The following ST8SIA5 variants were observed in gnomAD, a reference collection of about 807,000 sequenced individuals.
The protein encoded by ST8SIA5 is alpha-2,8-sialyltransferase 8E.
In ST8SIA5, 24 loss-of-function variants were observed where a neutral mutation model predicts 40.2. The observed-to-expected ratio is 0.60, with a 90% confidence interval of 0.43 to 0.84. ST8SIA5 has a LOEUF of 0.84. Among genes scored for constraint, ST8SIA5 ranks in the 40% least tolerant of loss-of-function variants. ST8SIA5 has a pLI of 0.00. For synonymous variants in ST8SIA5, 198 were observed against 201.8 expected, an observed-to-expected ratio of 0.98 and a Z score of 0.16; for missense variants, 465 against 498.5, an observed-to-expected ratio of 0.93 and a Z score of 0.64.
In ST8SIA5 at chr18:46,682,070, G is replaced by A; in HGVS notation, c.570-6C>T. The A allele has an allele frequency of 6.3e-7, 1 of 1,595,266 alleles. No individual in the cohort carries two copies. Among genetic ancestry groups the A allele is most frequent in the Non-Finnish European group, 8.5e-7 (1 of 1,170,692 alleles). ...AGATGGGGGGCAGGTTGCACCTGCA[G>A]AAGAGAAAAGGCAGCCCAAGGTGGT... On this transcript the variant is annotated splice_region_variant and splice_polypyrimidine_tract_variant and intron_variant, in intron 5 of 6. Transcript: ENST00000315087.
At chr18:46,729,864 TC>T (rs5824636) in intron 1 of ST8SIA5, among the ~76,000 whole-genome samples, 69,166 of 151,612 alleles carry the variant, frequency 0.46, 16,408 homozygotes, top group East Asian at 0.75. Flanking sequence ...ACAGGTGGGG[TC>T]CTCGGAAGAG....
At chr18:46,719,049 A>T (rs773477604) in intron 1 of ST8SIA5, among the ~76,000 whole-genome samples, 2 of 152,202 alleles carry the variant, frequency 1.3e-5, no homozygotes, top group Middle Eastern at 3.2e-3. Flanking sequence ...CAGTCCTTCA[A>T]CTAGGGGGGT....
At position 46,756,689 on chromosome 18, in the gene ST8SIA5, G is replaced by T; in HGVS notation, c.-181C>A. ...CCGGAGCTGGGGGCATCCAAGCGTC[G>T]CAGGCGCTGGGGCGGCAAGCAGGAC... is the stretch of plus-strand genomic sequence containing the variant. On this transcript the variant is annotated 5_prime_UTR_variant, in exon 1 of 7. Coordinates refer to ENST00000315087, the MANE Select transcript of ST8SIA5 (RefSeq NM_013305.6). 3.0e-6 allele frequency: 2 copies of T among 676,360 alleles called. No individual in the cohort carries two copies. Among genetic ancestry groups the T allele is most frequent in the Non-Finnish European group, 4.7e-6 (2 of 425,430 alleles). The allele number at this position is 676,360 out of a possible 1,614,324, so 41.9% of individuals were successfully genotyped here. A position where few individuals can be genotyped will look rare whatever the true frequency, so the allele number is the denominator to read the frequency against.
chr18:46,705,443 T>C (rs542605123), intron 1 of ST8SIA5, among the ~76,000 whole-genome samples: 24 of 152,374 alleles, frequency 1.6e-4, no homozygotes, highest in African/African-American at 5.8e-4. Flanking sequence ...ACTTTTAATC[T>C]TTCTAATCAG....
chr18:46,730,975 C>T (rs1423788572), intron 1 of ST8SIA5, among the ~76,000 whole-genome samples: 1 of 152,142 alleles, frequency 6.6e-6, no homozygotes, highest in African/African-American at 2.4e-5. Context: ...AGCAACAACA[C>T]CCTGCGTCTA....
chr18:46,696,785 G>A (rs1394263055), intron 2 of ST8SIA5, among the ~76,000 whole-genome samples: 2 of 152,138 alleles, frequency 1.3e-5, no homozygotes, highest in Admixed American at 1.3e-4. Context: ...TTCCAGAAGA[G>A]GAATTAAAAA....
At chr18:46,719,511 G>T (rs548871085) in intron 1 of ST8SIA5, among the ~76,000 whole-genome samples, 1 of 152,102 alleles carries the variant, frequency 6.6e-6, no homozygotes, top group African/African-American at 2.4e-5. Flanking sequence ...CGTGGAAAGA[G>T]GAAGGAAAGA....
At chr18:46,736,255 A>G (rs1208256789) in intron 1 of ST8SIA5, among the ~76,000 whole-genome samples, 3 of 152,214 alleles carry the variant, frequency 2.0e-5, no homozygotes, top group African/African-American at 7.2e-5. Flanking sequence ...CAGTAGTCAC[A>G]TGGGGCTAGT....
At position 46,708,830 on chromosome 18, in the gene ST8SIA5, T is replaced by C. The variant is rs547861308; in HGVS notation, c.132-4166A>G. Among the ~76,000 whole-genome samples the C allele has an allele frequency of 9.0e-4, 137 of 152,326 alleles. 1 individual carries two copies. Among genetic ancestry groups the C allele is most frequent in the Middle Eastern group, 6.8e-3 (2 of 294 alleles). ...GCAGGGCCTCCTGTTTCTAGGGATCTGTGAGTATCAAAACCTCTTCCTTCA... is the reference window on the plus strand; with the variant it reads ...GCAGGGCCTCCTGTTTCTAGGGATCCGTGAGTATCAAAACCTCTTCCTTCA... On this transcript the variant is annotated intron_variant, in intron 1 of 6. Transcript: ENST00000315087.
intron 2 of ST8SIA5, among the ~76,000 whole-genome samples, chr18:46,700,584 C>T (rs2039602717): frequency 6.6e-6 from 1 of 152,208 alleles, no homozygotes; most frequent in African/African-American, 2.4e-5. Context: ...GGCACACACA[C>T]TCATGCCCCA....
chr18:46,728,375 T>C (rs1490868776), intron 1 of ST8SIA5, among the ~76,000 whole-genome samples: 7 of 152,212 alleles, frequency 4.6e-5, no homozygotes, highest in Non-Finnish European at 1.0e-4. Flanking sequence ...TGCGTAGCTA[T>C]CCATTCACAG....
intron 2 of ST8SIA5, among the ~76,000 whole-genome samples, chr18:46,700,857 T>C (rs2039606306): frequency 6.6e-6 from 1 of 152,106 alleles, no homozygotes. Context: ...GTGGAATCGA[T>C]GGAAGGTGAC....
chr18:46,673,889 A>C lies in ST8SIA5; in HGVS notation c.*6153T>G, dbSNP rs2039323979. The C allele has an allele frequency of 6.6e-6, 1 of 152,124 alleles. No individual in the cohort carries two copies. Among genetic ancestry groups the C allele is most frequent in the Non-Finnish European group, 1.5e-5 (1 of 68,130 alleles). 9.4% of individuals were successfully genotyped at this position (152,124 alleles called of 1,614,324 possible). A position where few individuals can be genotyped will look rare whatever the true frequency, so the allele number is the denominator to read the frequency against. On this transcript the variant is annotated 3_prime_UTR_variant, in exon 7 of 7. Transcript: ENST00000315087. Reference sequence around the variant, plus strand: ...TGCACCCCTCGCCTGGCCTCACCTGACCCCTGAGCCACAGTTAGCCTCTTC... The same window carrying C: ...TGCACCCCTCGCCTGGCCTCACCTGCCCCCTGAGCCACAGTTAGCCTCTTC...
intron 3 of ST8SIA5, among the ~76,000 whole-genome samples, chr18:46,690,652 C>T (rs890003486): frequency 7.7e-5 from 10 of 130,286 alleles, no homozygotes; most frequent in African/African-American, 2.7e-4. Context: ...CTCGCTCTGT[C>T]GCCCAGGCTG....
intron 1 of ST8SIA5, among the ~76,000 whole-genome samples, chr18:46,738,801 T>C (rs2040060468): frequency 6.6e-6 from 1 of 152,072 alleles, no homozygotes. Flanking sequence ...GAGAGTTGGC[T>C]CAGTGATGAG....
intron 4 of ST8SIA5, among the ~76,000 whole-genome samples, chr18:46,688,430 T>A (rs2039469755): frequency 6.6e-6 from 1 of 152,206 alleles, no homozygotes; most frequent in African/African-American, 2.4e-5. Flanking sequence ...GCATGTGCGT[T>A]TGCTCTTGTG....
intron 4 of ST8SIA5, among the ~76,000 whole-genome samples, chr18:46,687,630 A>G (rs947235712): frequency 1.3e-5 from 2 of 152,082 alleles, no homozygotes; most frequent in Non-Finnish European, 2.9e-5. Flanking sequence ...AACACATTTG[A>G]CGCCGCTCAC....
Position 46,668,647 on chromosome 18 carries a change from G to T in ST8SIA5, c.*11395C>A, listed in dbSNP as rs983226956. The T allele has an allele frequency of 6.6e-6, 1 of 152,236 alleles. No homozygotes were observed. The highest frequency in any genetic ancestry group is 2.4e-5 in the African/African-American group (1 of 41,470). The allele number at this position is 152,236 out of a possible 1,614,324, so 9.4% of individuals were successfully genotyped here. A position where few individuals can be genotyped will look rare whatever the true frequency, so the allele number is the denominator to read the frequency against. ...TATATTTCAAAGTTCAAACAATACT[G>T]TATTGAAGAAGAGTTATGGCTCTCT... On this transcript the variant is annotated 3_prime_UTR_variant, in exon 7 of 7. Coordinates refer to ENST00000315087, the MANE Select transcript of ST8SIA5 (RefSeq NM_013305.6).
intron 2 of ST8SIA5, 144 bp from the exon 3 acceptor site, chr18:46,692,399 T>C: frequency 1.5e-6 from 1 of 655,874 alleles, no homozygotes; most frequent in Non-Finnish European, 2.6e-6. Flanking sequence ...TTTCTTCTCT[T>C]TCTTTGTTTC....
Sources: allele counts gnomAD v4.1 joint callset (sites outside exome capture counted in the v4.1 genomes callset), GRCh38; gene constraint gnomAD v4.1.1; transcripts MANE v1.5; gene names NCBI Gene and HGNC (gene_info 2026-07-23, HGNC 2026-07-21).